The following RBFOX1 variants were observed in gnomAD, a reference collection of about 807,000 sequenced individuals.
RBFOX1 encodes RNA binding protein fox-1 homolog 1.
In RBFOX1, 8 loss-of-function variants were observed where a neutral mutation model predicts 57.7. That is an observed-to-expected ratio of 0.14 (90% CI 0.08 to 0.25). The LOEUF is 0.25. Ranked by LOEUF, RBFOX1 falls within the 10% of genes least tolerant of loss-of-function variation. RBFOX1 has a pLI of 1.00. For synonymous variants in RBFOX1, 326 were observed against 222.4 expected (o/e 1.47, Z -4.15); for missense variants, 611 against 548.5 (o/e 1.11, Z -1.14).
At chr16:7,162,599 C>T (rs948792861) in intron 4 of RBFOX1, among the ~76,000 whole-genome samples, 6 of 148,166 alleles carry the variant, frequency 4.0e-5, no homozygotes, top group Middle Eastern at 3.6e-3. Flanking sequence ...TTGCCAGGTA[C>T]GCGCCTGTAA....
intron 4 of RBFOX1, among the ~76,000 whole-genome samples, chr16:7,102,201 G>A (rs1025297671): frequency 1.2e-4 from 19 of 152,168 alleles, no homozygotes; most frequent in Admixed American, 1.2e-3. Context: ...GTTTGCAGGG[G>A]CATTCCCTGA....
intron 3 of RBFOX1, among the ~76,000 whole-genome samples, chr16:6,867,864 G>A (rs949554011): frequency 2.0e-5 from 3 of 152,152 alleles, no homozygotes; most frequent in African/African-American, 7.2e-5. Context: ...AGGTGTCCCA[G>A]TTTCAACGAT....
intron 4 of RBFOX1, among the ~76,000 whole-genome samples, chr16:7,278,346 T>C (rs745861807): frequency 6.6e-6 from 1 of 152,170 alleles, no homozygotes; most frequent in Non-Finnish European, 1.5e-5. Context: ...GATGGTGAAG[T>C]CTTAAATTTA....
intron 4 of RBFOX1, among the ~76,000 whole-genome samples, chr16:7,495,023 G>C (rs112956959): frequency 9.2e-5 from 14 of 152,002 alleles, no homozygotes; most frequent in African/African-American, 3.4e-4. Context: ...ATTTATGACC[G>C]TGTGTGCTTG....
At position 6,111,538 on chromosome 16, in the gene RBFOX1, T is replaced by C. The variant is rs138706010; in HGVS notation, c.-127+91546T>C. On this transcript the variant is annotated intron_variant, in intron 1 of 15. Transcript: ENST00000550418. ...ATATTAAGTGTGTGATGGAATCTTA[T>C]AGGCATGTCCCATTGGAGTTACAGA... Among the ~76,000 whole-genome samples the C allele has an allele frequency of 8.5e-4, 129 of 152,310 alleles. 1 individual carries two copies. In the Middle Eastern group the frequency reaches 0.01, roughly 12 times the overall value.
At chr16:5,915,962 T>A (rs1371028381) in intron 4 of RBFOX1, among the ~76,000 whole-genome samples, 1 of 152,246 alleles carries the variant, frequency 6.6e-6, no homozygotes, top group Non-Finnish European at 1.5e-5. Flanking sequence ...TGCACTGCCC[T>A]ATGAACTTCA....
intron 1 of RBFOX1, among the ~76,000 whole-genome samples, chr16:5,449,755 T>C (rs2341491): frequency 0.66 from 100,167 of 152,004 alleles, 33,155 homozygotes; most frequent in African/African-American, 0.72. Flanking sequence ...AACACAGATG[T>C]ATGCCACCAT....
intron 13 of RBFOX1, among the ~76,000 whole-genome samples, chr16:7,670,769 C>G (rs1288578106): frequency 2.6e-5 from 4 of 152,192 alleles, no homozygotes; most frequent in South Asian, 4.1e-4. Context: ...GTTCAGCCAT[C>G]TCAGTGTCTG....
intron 3 of RBFOX1, among the ~76,000 whole-genome samples, chr16:5,800,043 T>A (rs9929054): frequency 0.47 from 71,402 of 151,018 alleles, 16,990 homozygotes; most frequent in South Asian, 0.57. Context: ...TCCCTATTTT[T>A]TATATATATA....
At chr16:6,443,831 C>G (rs552589032) in intron 2 of RBFOX1, among the ~76,000 whole-genome samples, 1 of 152,076 alleles carries the variant, frequency 6.6e-6, no homozygotes, top group Non-Finnish European at 1.5e-5. Flanking sequence ...TCTAGCTATC[C>G]ATTCATCCAT....
At chr16:5,361,299 T>C (rs500503) in intron 1 of RBFOX1, among the ~76,000 whole-genome samples, 151,843 of 152,254 alleles carry the variant, frequency 1, 75,719 homozygotes, top group Middle Eastern at 1. Context: ...CAAGGATCCC[T>C]GCAGTTCTTG....
At chr16:6,359,624 C>A (rs1404208707) in intron 2 of RBFOX1, among the ~76,000 whole-genome samples, 3 of 152,180 alleles carry the variant, frequency 2.0e-5, no homozygotes, top group Non-Finnish European at 2.9e-5. Context: ...CAGAAAACAT[C>A]AGACCAACAT....
rs532805247 is a variant in RBFOX1, at chr16:6,351,902, T to G, written c.-64+34845T>G. Among the ~76,000 whole-genome samples, 38 of 152,330 alleles carry G rather than the reference T, an allele frequency of 2.5e-4. No individual in the cohort carries two copies. The South Asian group carries it at 7.7e-3, about 31-fold the overall frequency. ...ACCTACAAGATATGCATTATTTTCATCATTCCACCAATGGGGAGTATACGG... is the reference window on the plus strand; with the variant it reads ...ACCTACAAGATATGCATTATTTTCAGCATTCCACCAATGGGGAGTATACGG... On this transcript the variant is annotated intron_variant, in intron 2 of 15. Coordinates refer to ENST00000550418, the MANE Select transcript of RBFOX1 (RefSeq NM_018723.4).
intron 2 of RBFOX1, among the ~76,000 whole-genome samples, chr16:6,345,640 G>C (rs1347845669): frequency 6.6e-6 from 1 of 152,168 alleles, no homozygotes; most frequent in East Asian, 1.9e-4. Flanking sequence ...CTAGGTGTGA[G>C]GATGTGTTGG....
chr16:5,362,731 C>T (rs1433053075), intron 1 of RBFOX1, among the ~76,000 whole-genome samples: 1 of 152,126 alleles, frequency 6.6e-6, no homozygotes, highest in African/African-American at 2.4e-5. Context: ...CGACAACCAC[C>T]ATTTTGCTCT....
chr16:7,667,657 C>T (rs1197460101), intron 13 of RBFOX1, among the ~76,000 whole-genome samples: 2 of 148,604 alleles, frequency 1.3e-5, no homozygotes, highest in Non-Finnish European at 3.0e-5. Context: ...ACATCAGATA[C>T]CTCGAATAGA....
At chr16:7,062,893 A>ATTTTTTTTTTTTTTTTTTTTTTT (rs1170936027) in intron 4 of RBFOX1, among the ~76,000 whole-genome samples, 2 of 47,252 alleles carry the variant, frequency 4.2e-5, no homozygotes, top group African/African-American at 1.8e-4. Context: ...AATGATCGCC[A>ATTTTTTTTTTTTTTTTTTTTTTT]TTTTTTTTTT....
chr16:6,805,912 C>G (rs1317480502), intron 3 of RBFOX1, among the ~76,000 whole-genome samples: 2 of 152,172 alleles, frequency 1.3e-5, no homozygotes, highest in South Asian at 4.1e-4. Flanking sequence ...GTTGTATCTT[C>G]TTTACTCATT....
At chr16:7,090,477 G>C (rs532195334) in intron 4 of RBFOX1, among the ~76,000 whole-genome samples, 35 of 152,190 alleles carry the variant, frequency 2.3e-4, no homozygotes, top group Non-Finnish European at 4.4e-4. Context: ...CTTTGGAATC[G>C]TATCAATTAA....
Sources: allele counts gnomAD v4.1 joint callset (sites outside exome capture counted in the v4.1 genomes callset), GRCh38; gene constraint gnomAD v4.1.1; transcripts MANE v1.5; gene names NCBI Gene and HGNC (gene_info 2026-07-23, HGNC 2026-07-21).